CDH4: variants seen among roughly 807,000 people sequenced by gnomAD.
The protein encoded by CDH4 is cadherin 4, also known as cadherin-4.
A neutral mutation model predicts 86.0 loss-of-function variants in CDH4; 33 were observed. The observed-to-expected ratio is 0.38, with a 90% CI of 0.29 to 0.51. The LOEUF (loss-of-function observed/expected upper bound fraction) is 0.51, where lower values mean the gene tolerates loss of function less well. Among genes scored for constraint, CDH4 ranks in the 20% least tolerant of loss-of-function variants. The pLI is 0.86. For missense variants in CDH4, 1,114 were observed against 1,307.4 expected (o/e 0.85, Z 2.28); for synonymous variants, 555 against 549.4 (o/e 1.01, Z -0.14).
intron 2 of CDH4, among the ~76,000 whole-genome samples, chr20:61,462,499 T>A (rs939794037): frequency 1.1e-4 from 17 of 152,352 alleles, no homozygotes; most frequent in African/African-American, 3.4e-4. Flanking sequence ...CTGCATCATC[T>A]TCTGCCTGTA....
At chr20:61,914,104 AC>A (rs1177244390) in intron 9 of CDH4, among the ~76,000 whole-genome samples, 1 of 152,060 alleles carries the variant, frequency 6.6e-6, no homozygotes, top group Non-Finnish European at 1.5e-5. Context: ...CTGCCCCCCC[AC>A]AGCCAGTCAA....
At chr20:61,840,371 A>G (rs1355377337) in intron 4 of CDH4, among the ~76,000 whole-genome samples, 2 of 152,202 alleles carry the variant, frequency 1.3e-5, no homozygotes, top group Non-Finnish European at 2.9e-5. Flanking sequence ...AAAACCACAC[A>G]GGGTGACTTT....
intron 2 of CDH4, among the ~76,000 whole-genome samples, chr20:61,454,815 G>A (rs560332362): frequency 1.8e-4 from 28 of 152,278 alleles, no homozygotes; most frequent in Non-Finnish European, 4.0e-4. Flanking sequence ...GGCAAACGCA[G>A]GAGCCTGTAC....
intron 2 of CDH4, among the ~76,000 whole-genome samples, chr20:61,258,307 G>A (rs2084110146): frequency 2.2e-5 from 2 of 91,312 alleles, no homozygotes; most frequent in African/African-American, 8.0e-5. Context: ...TCCAGCCTGG[G>A]CAAAAGAACG....
In CDH4 at chr20:61,501,543, T is replaced by C. The variant is rs1180699332; in HGVS notation, c.170-242020T>C. Among the ~76,000 whole-genome samples, 2 of 152,096 alleles carry C rather than the reference T, an allele frequency of 1.3e-5. No homozygotes were observed. The highest frequency in any genetic ancestry group is 2.4e-5 in the African/African-American group (1 of 41,418). ...GGCTGCTGCCGTCTCTGCCCCCTCATCCTTGCTGAATCTCAGAACCTTTGG... is the reference window on the plus strand; with the variant it reads ...GGCTGCTGCCGTCTCTGCCCCCTCACCCTTGCTGAATCTCAGAACCTTTGG... On this transcript the variant is annotated intron_variant, in intron 2 of 15. Coordinates refer to ENST00000614565, the MANE Select transcript of CDH4 (RefSeq NM_001794.5). The surrounding 1 kb of genome is among the most constrained non-coding windows in gnomAD (Gnocchi z 4.2).
At chr20:61,295,106 A>C (rs1297255959) in intron 2 of CDH4, among the ~76,000 whole-genome samples, 1 of 152,142 alleles carries the variant, frequency 6.6e-6, no homozygotes, top group Non-Finnish European at 1.5e-5. Context: ...GTCATGGGAG[A>C]ATGTGGCGTA....
At chr20:61,310,155 C>T (rs2084437641) in intron 2 of CDH4, among the ~76,000 whole-genome samples, 1 of 152,146 alleles carries the variant, frequency 6.6e-6, no homozygotes, top group Non-Finnish European at 1.5e-5. Context: ...CAGCCCAGAG[C>T]CAGCTGGGGT....
chr20:61,443,886 GTGTA>G (rs1214322514), intron 2 of CDH4, among the ~76,000 whole-genome samples: 1 of 151,544 alleles, frequency 6.6e-6, no homozygotes, highest in Non-Finnish European at 1.5e-5. Flanking sequence ...CTGTGTGTCT[GTGTA>G]TGTGTCTGTG....
At chr20:61,660,767 G>A (rs959545971) in intron 2 of CDH4, among the ~76,000 whole-genome samples, 2 of 152,150 alleles carry the variant, frequency 1.3e-5, no homozygotes, top group Non-Finnish European at 2.9e-5. Context: ...CTTTATACCT[G>A]GTTGTTACAT....
At position 61,415,195 on chromosome 20, in the gene CDH4, C is replaced by T. The variant is rs554710031; in HGVS notation, c.169+160258C>T. Among the ~76,000 whole-genome samples, 14 of 152,260 alleles carry T rather than the reference C, an allele frequency of 9.2e-5. 1 individual carries two copies. The South Asian group carries it at 2.5e-3, about 27-fold the overall frequency. On this transcript the variant is annotated intron_variant, in intron 2 of 15. Coordinates refer to ENST00000614565, the MANE Select transcript of CDH4 (RefSeq NM_001794.5). ...ACGTTGGGGACTCCCATTCTCTGCC[C>T]CCCTACCCCAGACCTGCCGAAGCAG...
At chr20:61,626,364 C>T (rs890935619) in intron 2 of CDH4, among the ~76,000 whole-genome samples, 1 of 152,076 alleles carries the variant, frequency 6.6e-6, no homozygotes, top group African/African-American at 2.4e-5. Context: ...CTGTCACCTG[C>T]GTTTTCTGTC....
chr20:61,654,307 C>G (rs1250614179), intron 2 of CDH4, among the ~76,000 whole-genome samples: 1 of 152,178 alleles, frequency 6.6e-6, no homozygotes, highest in African/African-American at 2.4e-5. Flanking sequence ...CGCCTGCAAT[C>G]GCAAGCACTC....
intron 7 of CDH4, among the ~76,000 whole-genome samples, chr20:61,874,724 A>G (rs1400261910): frequency 1.3e-5 from 2 of 151,956 alleles, no homozygotes; most frequent in Non-Finnish European, 2.9e-5. Flanking sequence ...TGCCTTCCCC[A>G]TCTCCAGGTC....
rs567642175 is a variant in CDH4 at position 61,399,281 on chromosome 20, C to T, written c.169+144344C>T. 5.6e-5 allele frequency among the ~76,000 whole-genome samples: 6 copies of T among 107,808 alleles called. No homozygotes were observed. In the South Asian group the frequency reaches 1.2e-3, roughly 21 times the overall value. 70.7% of individuals were successfully genotyped at this position (107,808 alleles called of 152,430 possible). ...CCGAGTAGCTGGGACTACAGGCGCC[C>T]GCCACCATGCCCGGCTAATTTTTTG... On this transcript the variant is annotated intron_variant, in intron 2 of 15. Transcript: ENST00000614565.
chr20:61,767,469 G>A (rs770611739), intron 3 of CDH4, among the ~76,000 whole-genome samples: 18 of 152,214 alleles, frequency 1.2e-4, no homozygotes, highest in Admixed American at 3.3e-4. Context: ...TGCCAGGTGA[G>A]GCGCTGTAGA....
At chr20:61,909,440 G>T (rs535263843) in intron 8 of CDH4, among the ~76,000 whole-genome samples, 26 of 152,330 alleles carry the variant, frequency 1.7e-4, no homozygotes, top group Admixed American at 9.8e-4. Flanking sequence ...AGCTTGCAAG[G>T]TTCCTGCAAC....
chr20:61,790,232 A>G (rs955392076), intron 4 of CDH4, among the ~76,000 whole-genome samples: 2 of 147,324 alleles, frequency 1.4e-5, no homozygotes, highest in Non-Finnish European at 3.0e-5. Context: ...CCTACCATCC[A>G]TCCATTCATC....
chr20:61,257,797 G>A (rs1454873601), intron 2 of CDH4, among the ~76,000 whole-genome samples: 1 of 152,230 alleles, frequency 6.6e-6, no homozygotes, highest in East Asian at 1.9e-4. Flanking sequence ...CTGGTACGGT[G>A]ACCTGCATTG....
At chr20:61,452,547 C>G (rs1173885318) in intron 2 of CDH4, among the ~76,000 whole-genome samples, 1 of 152,136 alleles carries the variant, frequency 6.6e-6, no homozygotes, top group East Asian at 1.9e-4. Flanking sequence ...TAATGAATTT[C>G]AAAGGTAGAG....
Sources: gnomAD v4.1 joint callset for allele counts (sites outside exome capture counted in the v4.1 genomes callset) on GRCh38, gnomAD v4.1.1 for gene constraint, Gnocchi (gnomAD v3.1) non-coding constraint, MANE v1.5 for transcripts, NCBI Gene and HGNC (gene_info 2026-07-23, HGNC 2026-07-21) for gene names.